Variants in FYB1 observed in about 807,000 individuals in gnomAD.
The protein encoded by FYB1 is FYN-binding protein 1.
FYB1 carries 41 observed loss-of-function variants against 94.1 expected under a neutral mutation model. The observed-to-expected ratio is 0.44, with a 90% confidence interval of 0.34 to 0.57. The LOEUF (loss-of-function observed/expected upper bound fraction) is 0.57, where lower values mean the gene tolerates loss of function less well. Ranked by LOEUF, FYB1 falls within the 20% of genes least tolerant of loss-of-function variation. FYB1 has a pLI of 0.02. For synonymous variants in FYB1, 367 were observed against 353.2 expected, an observed-to-expected ratio of 1.04 and a Z score of -0.44; for missense variants, 1,050 against 976.8, an observed-to-expected ratio of 1.07 and a Z score of -1.00.
intron 1 of FYB1, among the ~76,000 whole-genome samples, chr5:39,224,715 A>C (rs1561288976): frequency 1.3e-5 from 2 of 152,180 alleles, no homozygotes; most frequent in Non-Finnish European, 2.9e-5. Context: ...CTCAACACTC[A>C]TGTACACATA....
intron 2 of FYB1, among the ~76,000 whole-genome samples, chr5:39,181,464 C>T (rs1746224918): frequency 1.3e-5 from 2 of 152,084 alleles, no homozygotes; most frequent in African/African-American, 4.8e-5. Context: ...TATAGTCTGT[C>T]AGGCAGGTAG....
At chr5:39,248,515 T>C (rs1751579038) in intron 1 of FYB1, among the ~76,000 whole-genome samples, 1 of 152,036 alleles carries the variant, frequency 6.6e-6, no homozygotes, top group Admixed American at 6.6e-5. Context: ...CTCGAAGACG[T>C]AATGCTAAGT....
At chr5:39,196,254 G>A (rs1747830293) in intron 2 of FYB1, among the ~76,000 whole-genome samples, 2 of 147,998 alleles carry the variant, frequency 1.4e-5, no homozygotes, top group South Asian at 4.2e-4. Flanking sequence ...TGTCACCCAG[G>A]CTGGAGTGCA....
intron 1 of FYB1, among the ~76,000 whole-genome samples, chr5:39,262,646 A>T (rs527771367): frequency 1.3e-5 from 2 of 152,228 alleles, no homozygotes; most frequent in Admixed American, 1.3e-4. Context: ...TTCATCTACC[A>T]CTGTTTGAAA....
intron 17 of FYB1, among the ~76,000 whole-genome samples, chr5:39,110,146 G>A (rs1284809975): frequency 5.9e-5 from 9 of 151,832 alleles, no homozygotes; most frequent in Admixed American, 5.3e-4. Flanking sequence ...AAATGAGAAG[G>A]GCTCCTCGCC....
intron 11 of FYB1, among the ~76,000 whole-genome samples, chr5:39,127,013 G>A (rs1442680184): frequency 3.5e-5 from 5 of 142,556 alleles, no homozygotes; most frequent in South Asian, 4.4e-4. Context: ...AGCCGAGATC[G>A]TGCCATTGCA....
chr5:39,228,828 C>T (rs543488532), intron 1 of FYB1, among the ~76,000 whole-genome samples: 1 of 152,178 alleles, frequency 6.6e-6, no homozygotes, highest in South Asian at 2.1e-4. Flanking sequence ...GTAATCTTTC[C>T]TCTTTTTTGG....
At chr5:39,218,260 C>T (rs999603436) in intron 1 of FYB1, among the ~76,000 whole-genome samples, 1 of 152,178 alleles carries the variant, frequency 6.6e-6, no homozygotes, top group African/African-American at 2.4e-5. Flanking sequence ...TATTCAGGAT[C>T]GCCTTTAATG....
chr5:39,208,114 C>A (rs1039575332), intron 1 of FYB1, among the ~76,000 whole-genome samples: 1 of 152,120 alleles, frequency 6.6e-6, no homozygotes, highest in African/African-American at 2.4e-5. Flanking sequence ...TTTAAAGTTG[C>A]CCACCTTTGA....
intron 2 of FYB1, among the ~76,000 whole-genome samples, chr5:39,166,340 G>T (rs2150386491): frequency 6.6e-6 from 1 of 152,130 alleles, no homozygotes; most frequent in African/African-American, 2.4e-5. Flanking sequence ...GGAGGCTGAG[G>T]CAGGAGAATA....
intron 5 of FYB1, 66 bp downstream of exon 5, chr5:39,139,167 G>T (rs1741928568): frequency 2.1e-5 from 29 of 1,354,490 alleles, no homozygotes; most frequent in Non-Finnish European, 2.8e-5. Context: ...AATACGGAGT[G>T]AATCATAATA....
intron 1 of FYB1, among the ~76,000 whole-genome samples, chr5:39,248,105 C>T (rs993196766): frequency 2.0e-5 from 3 of 152,020 alleles, no homozygotes; most frequent in African/African-American, 7.2e-5. Context: ...CCACAGCAGA[C>T]TTCATTTGTC....
chr5:39,190,391 T>C (rs556771081), intron 2 of FYB1, among the ~76,000 whole-genome samples: 1 of 152,314 alleles, frequency 6.6e-6, no homozygotes, highest in South Asian at 2.1e-4. Flanking sequence ...CTAGGTTTTG[T>C]AGCACAGGCT....
rs369250314 is a variant in FYB1, at chr5:39,202,502, C to T, written c.459G>A (p.Pro153=). 530 of 1,613,926 alleles carry T rather than the reference C, an allele frequency of 3.3e-4. 4 individuals are homozygous for T. The Middle Eastern group carries it at 8.4e-3, about 26-fold the overall frequency. The change falls in exon 2 of 19, where the codon CCG becomes CCA. Residue 153 remains proline, a synonymous_variant. Transcript: ENST00000512982. ...AGGTTGGAGGAGTAGGCCCAGATTT[C>T]GGGCCTAGTGGCTTTAAGTCATGGT... ...NQDHDLKPLG[P]KSGPTPPTSE...
intron 2 of FYB1, among the ~76,000 whole-genome samples, chr5:39,154,598 C>T (rs1030369631): frequency 1.3e-5 from 2 of 151,832 alleles, no homozygotes; most frequent in African/African-American, 2.4e-5. Context: ...CCTCTGCCTC[C>T]CAGGTTCAAG....
At chr5:39,150,200 G>A (rs1208913081) in intron 3 of FYB1, among the ~76,000 whole-genome samples, 1 of 152,090 alleles carries the variant, frequency 6.6e-6, no homozygotes, top group Non-Finnish European at 1.5e-5. Context: ...CTGGCCTTTT[G>A]GGAAATCAGG....
At chr5:39,197,623 T>C (rs700184) in intron 2 of FYB1, among the ~76,000 whole-genome samples, 44,127 of 151,896 alleles carry the variant, frequency 0.29, 6,617 homozygotes, top group Non-Finnish European at 0.32. Flanking sequence ...CTGGAAACAA[T>C]GACCTTCGAA....
In FYB1 at chr5:39,138,556, C is replaced by G. The variant is rs1252289687; in HGVS notation, c.1394+101G>C. 3 of 624,342 alleles carry G rather than the reference C, an allele frequency of 4.8e-6. No homozygotes were observed. In the Admixed American group the frequency reaches 1.0e-4, roughly 22 times the overall value. 38.7% of individuals were successfully genotyped at this position (624,342 alleles called of 1,614,324 possible). A position where few individuals can be genotyped will look rare whatever the true frequency, so the allele number is the denominator to read the frequency against. On this transcript the variant is annotated intron_variant, in intron 6 of 18. Transcript: ENST00000512982. ...TTATACGCCAGTCATTTGAACAAAT[C>G]AAGCTTCCCTCCTAGTGTTGTTATA... is the stretch of plus-strand genomic sequence containing the variant.
At chr5:39,244,158 G>A (rs1751354977) in intron 1 of FYB1, among the ~76,000 whole-genome samples, 1 of 151,932 alleles carries the variant, frequency 6.6e-6, no homozygotes, top group Non-Finnish European at 1.5e-5. Context: ...GATTGCCTTG[G>A]CCAGAACTTC....
Sources: allele counts gnomAD v4.1 joint callset (sites outside exome capture counted in the v4.1 genomes callset), GRCh38; gene constraint gnomAD v4.1.1; transcripts MANE v1.5; gene names NCBI Gene and HGNC (gene_info 2026-07-23, HGNC 2026-07-21).